KCNAB2: variants seen among roughly 807,000 people sequenced by gnomAD.
KCNAB2 encodes potassium voltage-gated channel subfamily A regulatory beta subunit 2.
Under a neutral mutation model 63.6 loss-of-function variants are expected in KCNAB2, and 29 were observed. The observed-to-expected ratio is 0.46, with a 90% CI of 0.34 to 0.62. The LOEUF is 0.62. Ranked by LOEUF, KCNAB2 falls within the 20% of genes least tolerant of loss-of-function variation. The pLI, the probability that KCNAB2 is intolerant of heterozygous loss-of-function variation, is 0.01. For missense variants in KCNAB2, 359 were observed against 563.9 expected (o/e 0.64, Z 3.68); for synonymous variants, 222 against 224.2 (o/e 0.99, Z 0.09).
intron 10 of KCNAB2, among the ~76,000 whole-genome samples, chr1:6,092,010 C>A (rs1020024258): frequency 6.6e-6 from 1 of 152,242 alleles, no homozygotes; most frequent in African/African-American, 2.4e-5. Flanking sequence ...GGACCCCACC[C>A]CAAGGGCAGG....
chr1:6,015,569 TG>T (rs1658444747), intron 1 of KCNAB2, among the ~76,000 whole-genome samples: 1 of 152,252 alleles, frequency 6.6e-6, no homozygotes, highest in African/African-American at 2.4e-5. Flanking sequence ...CTGCCATAGC[TG>T]CGTAAGCACC....
At chr1:6,002,908 A>C (rs1657338531) in intron 1 of KCNAB2, among the ~76,000 whole-genome samples, 1 of 151,982 alleles carries the variant, frequency 6.6e-6, no homozygotes, top group Admixed American at 6.5e-5. Flanking sequence ...TGTGTTGCAG[A>C]TTTGCTCTGG....
chr1:6,100,153 G>T lies in KCNAB2; in HGVS notation c.*1579G>T, dbSNP rs1401282110. ...CCGTCCTGCGGGAGCCTGCTGTCCA[G>T]TCCTGGCCGGGCCAAGGCCTGGGAA... On this transcript the variant is annotated 3_prime_UTR_variant, in exon 16 of 16. Transcript: ENST00000378083. The T allele has an allele frequency of 7.3e-7, 1 of 1,369,498 alleles. No individual in the cohort carries two copies. The highest frequency in any genetic ancestry group is 9.5e-7 in the Non-Finnish European group (1 of 1,048,612). The allele number at this position is 1,369,498 out of a possible 1,614,324, so 84.8% of individuals were successfully genotyped here.
intron 4 of KCNAB2, among the ~76,000 whole-genome samples, chr1:6,077,333 A>T (rs941456405): frequency 2.6e-5 from 4 of 152,228 alleles, no homozygotes; most frequent in Non-Finnish European, 2.9e-5. Flanking sequence ...GAGAAAGTAC[A>T]GCAAAATCAG....
rs1657578206 is a variant in KCNAB2, at chr1:6,005,378, TGAACTGGGGGATGTG to T, written c.-53+12592_-53+12606del. Reference sequence around the variant, plus strand: ...TGGGAGCTGAGCTGAGGAGTGAGGGTGAACTGGGGGATGTGGGAGCTGAGCTGAGGGGTGGGGGTG... The same window carrying T: ...TGGGAGCTGAGCTGAGGAGTGAGGGTGGAGCTGAGCTGAGGGGTGGGGGTG... On this transcript the variant is annotated intron_variant, in intron 1 of 16. Transcript: ENST00000341524. 7.5e-4 allele frequency among the ~76,000 whole-genome samples: 4 copies of T among 5,330 alleles called. 1 individual carries two copies. The highest frequency in any genetic ancestry group is 3.1e-3 in the African/African-American group (3 of 960). 3.5% of individuals were successfully genotyped at this position (5,330 alleles called of 152,430 possible).
At chr1:6,089,193 CCTT>C (rs1233920349) in intron 8 of KCNAB2, 142 bp downstream of exon 8, 8 of 885,468 alleles carry the variant, frequency 9.0e-6, no homozygotes, top group Admixed American at 2.3e-5. Context: ...TCTGGCCTGA[CCTT>C]CTCCTTCCAC....
At position 6,074,122 on chromosome 1, in the gene KCNAB2, G is replaced by A. The variant is rs1402136687; in HGVS notation, c.300+352G>A. ...ACACGCTTCCCAAATTCTGAAGCCG[G>A]ATGCAGGTCCTAGCTGCCCCCATGG... is the stretch of plus-strand genomic sequence containing the variant. On this transcript the variant is annotated intron_variant, in intron 4 of 15. Coordinates refer to ENST00000378083, the MANE Select transcript of KCNAB2 (RefSeq NM_001199862.2). The surrounding 1 kb of genome is among the most constrained non-coding windows in gnomAD (Gnocchi z 4.9). Among the ~76,000 whole-genome samples the A allele has an allele frequency of 6.6e-6, 1 of 152,214 alleles. No individual in the cohort carries two copies. Among genetic ancestry groups the A allele is most frequent in the Non-Finnish European group, 1.5e-5 (1 of 68,034 alleles).
At chr1:6,095,182 G>A in intron 11 of KCNAB2, 141 bp from the exon 12 acceptor site, 1 of 852,792 alleles carries the variant, frequency 1.2e-6, no homozygotes, top group East Asian at 2.7e-5. Context: ...GAAGCTATGA[G>A]TGTGAGCAGT....
chr1:6,083,426 T>C (rs1223754656), intron 5 of KCNAB2, among the ~76,000 whole-genome samples: 1 of 152,166 alleles, frequency 6.6e-6, no homozygotes, highest in Non-Finnish European at 1.5e-5. Flanking sequence ...CCTCTGTCAC[T>C]CGCAGTTTCC....
upstream of KCNAB2, among the ~76,000 whole-genome samples, chr1:6,030,311 G>A (rs552677566): frequency 1.3e-4 from 20 of 152,286 alleles, no homozygotes; most frequent in African/African-American, 4.8e-4. Flanking sequence ...AGGGTGGACT[G>A]GGGCGTGCCT....
At chr1:5,999,575 T>C (rs2102537472) in intron 1 of KCNAB2, among the ~76,000 whole-genome samples, 1 of 152,324 alleles carries the variant, frequency 6.6e-6, no homozygotes, top group East Asian at 1.9e-4. Flanking sequence ...GCTGCACTTT[T>C]GTGAGCTTCA....
At chr1:6,030,024 G>A (rs899722506), upstream of KCNAB2, among the ~76,000 whole-genome samples, 2 of 152,212 alleles carry the variant, frequency 1.3e-5, no homozygotes, top group Non-Finnish European at 2.9e-5. Context: ...CTGCAATAAA[G>A]AGACAGATAA....
intron 5 of KCNAB2, 71 bp downstream of exon 5, chr1:6,082,345 G>A: frequency 8.3e-7 from 1 of 1,210,100 alleles, no homozygotes; most frequent in Non-Finnish European, 1.2e-6. Flanking sequence ...AGGGATTCCT[G>A]CCGCTCGCGT....
upstream of KCNAB2, among the ~76,000 whole-genome samples, chr1:6,032,732 G>C (rs916864437): frequency 3.9e-5 from 6 of 152,166 alleles, no homozygotes; most frequent in African/African-American, 1.4e-4. Flanking sequence ...CCCTCGATGG[G>C]CAAACTTGCT....
chr1:6,046,358 G>A (rs769505598), intron 1 of KCNAB2, among the ~76,000 whole-genome samples, 175 bp downstream of exon 1: 3 of 152,202 alleles, frequency 2.0e-5, no homozygotes, highest in African/African-American at 7.2e-5. Flanking sequence ...CCAGCCTGAG[G>A]TAAACTTGGA....
rs566678128 is a variant in KCNAB2, at chr1:6,071,418, C to T, written c.219-1337C>T. On this transcript the variant is annotated intron_variant, in intron 2 of 15. Coordinates refer to ENST00000378083, the MANE Select transcript of KCNAB2 (RefSeq NM_001199862.2). This position sits in a 1 kb window ranked among gnomAD's most constrained non-coding sequence, Gnocchi z 8.5. ...AAGTGGAATCTGACCCCAGATGGGT[C>T]AAGGCCTGGCTGCAGCTGTGAGATC... Among the ~76,000 whole-genome samples the T allele has an allele frequency of 6.6e-6, 1 of 152,344 alleles. No homozygotes were observed. Among genetic ancestry groups the T allele is most frequent in the South Asian group, 2.1e-4 (1 of 4,830 alleles).
chr1:6,040,622 G>T, exon 2 of KCNAB2: 2 of 1,613,884 alleles, frequency 1.2e-6, no homozygotes, highest in Non-Finnish European at 1.7e-6. Context: ...TGCGGCAGAC[G>T]GGCTCCCCCG....
intron 1 of KCNAB2, among the ~76,000 whole-genome samples, chr1:6,047,293 G>A (rs909746428): frequency 3.9e-5 from 6 of 152,178 alleles, no homozygotes; most frequent in East Asian, 1.9e-4. Context: ...GGGGCCCTTC[G>A]TCCAAGGACC....
chr1:6,064,394 TG>T (rs772492244), intron 2 of KCNAB2, among the ~76,000 whole-genome samples: 64 of 152,324 alleles, frequency 4.2e-4, no homozygotes, highest in Non-Finnish European at 7.6e-4. Context: ...CAAATCAATG[TG>T]ATCCTTTTTA....
Sources: allele counts gnomAD v4.1 joint callset (sites outside exome capture counted in the v4.1 genomes callset), GRCh38; gene constraint gnomAD v4.1.1; non-coding constraint Gnocchi (gnomAD v3.1); transcripts MANE v1.5; gene names NCBI Gene and HGNC (gene_info 2026-07-23, HGNC 2026-07-21).